PAIP1: variants seen among roughly 807,000 people sequenced by gnomAD.
The protein encoded by PAIP1 is polyadenylate-binding protein-interacting protein 1.
Under a neutral mutation model 61.3 loss-of-function variants are expected in PAIP1, and 16 were observed. That is an observed-to-expected ratio of 0.26 (90% CI 0.18 to 0.40). The LOEUF is 0.40. Ranked by LOEUF, PAIP1 falls within the 10% of genes least tolerant of loss-of-function variation. The pLI, the probability that PAIP1 is intolerant of heterozygous loss-of-function variation, is 1.00. For synonymous variants in PAIP1, 187 were observed against 226.2 expected (o/e 0.83, Z 1.56); for missense variants, 416 against 600.9 (o/e 0.69, Z 3.22).
intron 7 of PAIP1, 46 bp downstream of exon 7, chr5:43,535,488 C>T: frequency 9.3e-7 from 1 of 1,070,264 alleles, no homozygotes; most frequent in Non-Finnish European, 1.4e-6. Flanking sequence ...AAAGAAAAAG[C>T]AAGAAATTGA....
At chr5:43,540,107 C>T (rs1747337076) in intron 4 of PAIP1, among the ~76,000 whole-genome samples, 1 of 152,168 alleles carries the variant, frequency 6.6e-6, no homozygotes, top group Admixed American at 6.5e-5. Flanking sequence ...GTTTGCCAAC[C>T]ACGAAACCCC....
At chr5:43,537,900 A>C (rs1375558129) in intron 5 of PAIP1, among the ~76,000 whole-genome samples, 1 of 151,012 alleles carries the variant, frequency 6.6e-6, no homozygotes, top group Non-Finnish European at 1.5e-5. Flanking sequence ...AGGCTGAAGC[A>C]GGAGAATCGC....
intron 4 of PAIP1, among the ~76,000 whole-genome samples, chr5:43,541,989 C>CTGTTT (rs1449290742): frequency 6.6e-6 from 1 of 150,604 alleles, no homozygotes; most frequent in Admixed American, 6.6e-5. Flanking sequence ...CCAGCCTGGC[C>CTGTTT]AACATGGTGA....
chr5:43,538,895 T>A (rs755132308), intron 5 of PAIP1, 29 bp downstream of exon 5: 1 of 1,114,152 alleles, frequency 9.0e-7, no homozygotes, highest in African/African-American at 1.5e-5. Flanking sequence ...CAGGCCTTGT[T>A]AGTACTTAAC....
chr5:43,549,977 G>A (rs1331238891), intron 2 of PAIP1, among the ~76,000 whole-genome samples: 1 of 152,106 alleles, frequency 6.6e-6, no homozygotes, highest in African/African-American at 2.4e-5. Context: ...ACCCAACTCG[G>A]CCTCCCAAAG....
At chr5:43,529,100 G>A (rs1746828926) in intron 10 of PAIP1, among the ~76,000 whole-genome samples, 1 of 139,132 alleles carries the variant, frequency 7.2e-6, no homozygotes, top group African/African-American at 2.7e-5. Context: ...GGAAGGCTAA[G>A]TATTTATGTA....
rs1161599913 is a variant in PAIP1, at chr5:43,531,486, A to T, written c.1253-1607T>A. Reference sequence around the variant, plus strand: ...AACATGGTGAAACCCTGTCTCAATAAAAAAAAAAAAAAAATACAAAATTAG... The same window carrying T: ...AACATGGTGAAACCCTGTCTCAATATAAAAAAAAAAAAAATACAAAATTAG... On this transcript the variant is annotated intron_variant, in intron 9 of 10. Transcript: ENST00000306846. Among the ~76,000 whole-genome samples, 52 of 1,808 alleles carry T rather than the reference A, an allele frequency of 0.029. 1 individual carries two copies. In the East Asian group the frequency reaches 0.51, roughly 18 times the overall value. 1.2% of individuals were successfully genotyped at this position (1,808 alleles called of 152,430 possible).
chr5:43,556,790 C>T lies in PAIP1; in HGVS notation c.57G>A (p.Leu19=). 1 of 1,451,960 alleles carries T rather than the reference C, an allele frequency of 6.9e-7. No homozygotes were observed. The highest frequency in any genetic ancestry group is 9.0e-7 in the Non-Finnish European group (1 of 1,105,688). 89.9% of individuals were successfully genotyped at this position (1,451,960 alleles called of 1,614,324 possible). The change falls in exon 1 of 11, where the codon CTG becomes CTA. Residue 19 remains leucine, a synonymous_variant. Transcript: ENST00000306846. ...PGAGRGRSRG[L]GRGGGGPEGG... ...CCTCAGGCCCGCCCCCTCCGCGGCC[C>T]AGGCCCCGGCTCCGGCCCCGACCAG...
At chr5:43,555,123 G>T (rs946722862) in intron 2 of PAIP1, among the ~76,000 whole-genome samples, 1 of 152,188 alleles carries the variant, frequency 6.6e-6, no homozygotes, top group Non-Finnish European at 1.5e-5. Context: ...AGAACAACTG[G>T]AAGGAGACAG....
intron 2 of PAIP1, among the ~76,000 whole-genome samples, chr5:43,551,118 T>G (rs1171857841): frequency 1.3e-5 from 2 of 152,000 alleles, no homozygotes; most frequent in Non-Finnish European, 2.9e-5. Context: ...AAACTGGCTC[T>G]TAAGGAAGTA....
intron 9 of PAIP1, among the ~76,000 whole-genome samples, chr5:43,530,086 T>C (rs1746878218): frequency 6.6e-6 from 1 of 152,242 alleles, no homozygotes; most frequent in Non-Finnish European, 1.5e-5. Context: ...GTTTATATCC[T>C]CTACTGCTGC....
At chr5:43,535,824 G>A (rs1349252842) in intron 6 of PAIP1, among the ~76,000 whole-genome samples, 184 bp from the exon 7 acceptor site, 1 of 151,916 alleles carries the variant, frequency 6.6e-6, no homozygotes, top group African/African-American at 2.4e-5. Flanking sequence ...TCTCTTGACT[G>A]AGAGAAACTA....
rs113833560 is a variant in PAIP1 at position 43,533,761 on chromosome 5, A to G, written c.1229T>C (p.Val410Ala). Residue 410 changes from valine to alanine, a missense_variant, in exon 9 of 11, where the codon GTT becomes GCT. Val to Ala is a moderately conservative substitution (Grantham distance 64, BLOSUM62 0). Around this residue, in one of 4 missense-constraint regions of PAIP1, gnomAD observed 135 missense variants for 283.9 expected, o/e 0.48. Coordinates refer to ENST00000306846, the MANE Select transcript of PAIP1 (RefSeq NM_006451.5). ...ACCTGGATCAGCTGCAGTGAAAGGAACACCATCAGATGTATAAAATGTTGG... is the reference window on the plus strand; with the variant it reads ...ACCTGGATCAGCTGCAGTGAAAGGAGCACCATCAGATGTATAAAATGTTGG... ...NEPTFYTSDG[V>A]PFTAADPDYQ... 1.3e-6 allele frequency: 2 copies of G among 1,588,900 alleles called. No homozygotes were observed. The highest frequency in any genetic ancestry group is 2.7e-5 in the African/African-American group (2 of 74,482).
intron 3 of PAIP1, 24 bp from the exon 4 acceptor site, chr5:43,543,140 A>C: frequency 8.5e-7 from 1 of 1,175,966 alleles, no homozygotes; most frequent in Non-Finnish European, 1.3e-6. Flanking sequence ...GAAAAGTGTT[A>C]TATGACATAG....
chr5:43,555,264 G>T (rs1340532205), intron 2 of PAIP1, among the ~76,000 whole-genome samples: 3 of 152,136 alleles, frequency 2.0e-5, no homozygotes, highest in Non-Finnish European at 4.4e-5. Context: ...AAACTAAGAA[G>T]ATAGGAAAGA....
rs1014963220 is a variant in PAIP1 at position 43,556,622 on chromosome 5, G to A, written c.225C>T (p.Pro75=). Residue 75 remains proline (P), a synonymous_variant, in exon 1 of 11, where the codon CCC becomes CCT. Transcript: ENST00000306846. The part of the protein sequence containing the change: ...TPPPGAQCEV[P]ASPQRPSRPG... ...GCCGGGAAGGCCGCTGGGGGCTGGCGGGGACCTCGCACTGGGCCCCTGGCG... is the reference window on the plus strand; with the variant it reads ...GCCGGGAAGGCCGCTGGGGGCTGGCAGGGACCTCGCACTGGGCCCCTGGCG... 3 of 1,257,972 alleles carry A rather than the reference G, an allele frequency of 2.4e-6. No homozygotes were observed. The highest frequency in any genetic ancestry group is 3.1e-5 in the East Asian group (1 of 31,810). The allele number at this position is 1,257,972 out of a possible 1,614,324, so 77.9% of individuals were successfully genotyped here.
In PAIP1 at chr5:43,556,213, A is replaced by G. The variant is rs896703509; in HGVS notation, c.266-214T>C. 64 of 1,312,612 alleles carry G rather than the reference A, an allele frequency of 4.9e-5. No homozygotes were observed. The African/African-American group carries it at 9.3e-4, about 19-fold the overall frequency. The allele number at this position is 1,312,612 out of a possible 1,614,324, so 81.3% of individuals were successfully genotyped here. A position where few individuals can be genotyped will look rare whatever the true frequency, so the allele number is the denominator to read the frequency against. Reference sequence around the variant, plus strand: ...CCGTTATGGGCATACCTGCCTCTCAAATGAGTGCTTGCGAGCTTTTTTCCT... The same window carrying G: ...CCGTTATGGGCATACCTGCCTCTCAGATGAGTGCTTGCGAGCTTTTTTCCT... On this transcript the variant is annotated intron_variant, in intron 1 of 10. Coordinates refer to ENST00000306846, the MANE Select transcript of PAIP1 (RefSeq NM_006451.5).
chr5:43,538,693 G>T (rs763240998), intron 5 of PAIP1, among the ~76,000 whole-genome samples: 3 of 152,136 alleles, frequency 2.0e-5, no homozygotes, highest in Non-Finnish European at 4.4e-5. Flanking sequence ...CTAAAAGTAC[G>T]CAGATTTTTA....
intron 2 of PAIP1, among the ~76,000 whole-genome samples, chr5:43,548,252 A>G (rs1747724600): frequency 6.6e-6 from 1 of 152,346 alleles, no homozygotes; most frequent in African/African-American, 2.4e-5. Context: ...AATAAGATCT[A>G]GGATTTGCTT....
Sources: gnomAD v4.1 joint callset for allele counts (sites outside exome capture counted in the v4.1 genomes callset) on GRCh38, gnomAD v4.1.1 for gene constraint, gnomAD v4.1.1 regional missense constraint, MANE v1.5 for transcripts, NCBI Gene and HGNC (gene_info 2026-07-23, HGNC 2026-07-21) for gene names.